Variants in ERICH2 observed in about 807,000 individuals in gnomAD.
ERICH2 encodes glutamate rich 2.
ERICH2 carries 17 observed loss-of-function variants against 17.4 expected under a neutral mutation model. The ratio of observed to expected loss-of-function variants is 0.98; its 90% CI spans 0.67 to 1.47. ERICH2 has a LOEUF of 1.47. Ranked by LOEUF, ERICH2 falls within the 40% of genes most tolerant of loss-of-function variation. The pLI is 0.00. For missense variants in ERICH2, 186 were observed against 183.2 expected (o/e 1.01, Z -0.09); for synonymous variants, 51 against 61.1 (o/e 0.83, Z 0.77).
intron 2 of ERICH2, among the ~76,000 whole-genome samples, chr2:170,787,270 A>G (rs1272804911): frequency 6.6e-6 from 1 of 152,204 alleles, no homozygotes; most frequent in Non-Finnish European, 1.5e-5. Flanking sequence ...GTTTTGGGGT[A>G]CAAACTTTTT....
chr2:170,797,109 G>C (rs1701445006), intron 3 of ERICH2, among the ~76,000 whole-genome samples: 1 of 152,198 alleles, frequency 6.6e-6, no homozygotes, highest in African/African-American at 2.4e-5. Context: ...TGAAGGTGGA[G>C]AATGTTGTTA....
At chr2:170,797,795 GAAAAA>G (rs767126097) in intron 3 of ERICH2, among the ~76,000 whole-genome samples, 1 of 141,844 alleles carries the variant, frequency 7.1e-6, no homozygotes, top group African/African-American at 2.6e-5. Context: ...CTGTCTCAGG[GAAAAA>G]AAAAAAAAAA....
chr2:170,771,511 C>G, the ERICH2 span: 1 of 152,278 alleles, frequency 6.6e-6, no homozygotes, highest in African/African-American at 2.4e-5. The surrounding 1 kb of genome is among the most constrained non-coding windows in gnomAD (Gnocchi z 4.8). Flanking sequence ...CATTCTTTGA[C>G]CGGCCGGTGC....
rs1357778806 is a variant in ERICH2 at position 170,784,760 on chromosome 2, C to A, written c.143C>A (p.Thr48Asn). ...GCAGAGGATGATGGTGAAGATGATA[C>A]CAATGATGAAGATGATGATGAAGAT... is the stretch of plus-strand genomic sequence containing the variant. The change falls in exon 2 of 5, where the codon ACC (threonine) becomes AAC (asparagine). Residue 48 changes from threonine to asparagine, a missense_variant. Physicochemically the swap from Thr to Asn is moderately conservative, Grantham distance 65. Transcript: ENST00000409885. 4 of 1,543,806 alleles carry A rather than the reference C, an allele frequency of 2.6e-6. No homozygotes were observed. In the South Asian group the frequency reaches 4.8e-5, roughly 19 times the overall value.
upstream of ERICH2, among the ~76,000 whole-genome samples, chr2:170,779,402 T>G (rs1184487208): frequency 6.6e-6 from 1 of 152,196 alleles, no homozygotes; most frequent in Non-Finnish European, 1.5e-5. Flanking sequence ...ACAAGAAGTA[T>G]GTGGACTCTA....
chr2:170,789,127 ATT>A (rs200769691), intron 2 of ERICH2, among the ~76,000 whole-genome samples: 72 of 140,606 alleles, frequency 5.1e-4, no homozygotes, highest in South Asian at 6.8e-4. Flanking sequence ...TGCCTGGCTA[ATT>A]TTTTTTTTTT....
chr2:170,795,346 G>T (rs147748089), intron 3 of ERICH2, among the ~76,000 whole-genome samples: 1 of 149,802 alleles, frequency 6.7e-6, no homozygotes, highest in African/African-American at 2.5e-5. Context: ...AAACACTGAA[G>T]TATTATTATT....
chr2:170,783,711 A>T, upstream of ERICH2: 1 of 1,365,250 alleles, frequency 7.3e-7, no homozygotes, highest in Non-Finnish European at 1.0e-6. Context: ...TGTGAAGTAA[A>T]TGAGACAGTT....
chr2:170,786,736 T>A (rs1193987400), intron 2 of ERICH2, among the ~76,000 whole-genome samples: 1 of 152,184 alleles, frequency 6.6e-6, no homozygotes, highest in Non-Finnish European at 1.5e-5. Context: ...CTCTTCAGGT[T>A]TATAATCTTT....
rs1701109188 is a variant in ERICH2 at position 170,784,633 on chromosome 2, T to C, written c.29-13T>C. ...CGATCTCTTTTGATTAAATTAGGTATATTCTCTTTTAGGTGAAGTGAGCAA... is the reference window on the plus strand; with the variant it reads ...CGATCTCTTTTGATTAAATTAGGTACATTCTCTTTTAGGTGAAGTGAGCAA... On this transcript the variant is annotated splice_polypyrimidine_tract_variant and intron_variant, in intron 1 of 4. Transcript: ENST00000409885. The C allele has an allele frequency of 2.1e-6, 3 of 1,452,850 alleles. No homozygotes were observed. The highest frequency in any genetic ancestry group is 2.9e-5 in the African/African-American group (2 of 70,126). 90.0% of individuals were successfully genotyped at this position (1,452,850 alleles called of 1,614,324 possible).
chr2:170,785,403 A>G (rs2105696934), intron 2 of ERICH2, among the ~76,000 whole-genome samples: 1 of 152,264 alleles, frequency 6.6e-6, no homozygotes, highest in South Asian at 2.1e-4. Flanking sequence ...GGTAAAGCTG[A>G]GGCAGGAGTA....
upstream of ERICH2, among the ~76,000 whole-genome samples, chr2:170,781,767 T>C (rs937621335): frequency 6.6e-6 from 1 of 152,110 alleles, no homozygotes; most frequent in African/African-American, 2.4e-5. Context: ...GTTTAAAGAT[T>C]AAAAGGGAGA....
chr2:170,779,846 C>T (rs926560377), upstream of ERICH2: 10 of 984,878 alleles, frequency 1.0e-5, no homozygotes, highest in Admixed American at 1.2e-4. Flanking sequence ...AATACCTCAC[C>T]AACACAGGTC....
chr2:170,778,626 A>G, the ERICH2 span, among the ~76,000 whole-genome samples: 16 of 152,152 alleles, frequency 1.1e-4, no homozygotes, highest in Admixed American at 2.6e-4. Context: ...TAAAGTTACA[A>G]TCAACCAGAA....
chr2:170,786,609 T>G (rs1417268672), intron 2 of ERICH2, among the ~76,000 whole-genome samples: 1 of 152,190 alleles, frequency 6.6e-6, no homozygotes, highest in Non-Finnish European at 1.5e-5. Context: ...CCTCTTTTCA[T>G]CTAAGGTGCA....
At chr2:170,776,159 T>C in the ERICH2 span, among the ~76,000 whole-genome samples, 1 of 152,228 alleles carries the variant, frequency 6.6e-6, no homozygotes, top group Non-Finnish European at 1.5e-5. Context: ...ATCAGTCCTA[T>C]GATCAGGTAA....
At chr2:170,793,046 TTGA>T in intron 3 of ERICH2, 126 bp downstream of exon 8, 2 of 505,848 alleles carry the variant, frequency 4.0e-6, no homozygotes, top group Non-Finnish European at 7.0e-6. Flanking sequence ...CAGTGATTCC[TTGA>T]TAATAAATTA....
chr2:170,771,097 A>C, the ERICH2 span: 1 of 147,818 alleles, frequency 6.8e-6, no homozygotes, highest in Non-Finnish European at 1.5e-5. The surrounding 1 kb of genome is among the most constrained non-coding windows in gnomAD (Gnocchi z 4.8). Flanking sequence ...TGCGTTCCCG[A>C]CTCGGAGCCC....
chr2:170,792,967 A>G (rs1233889514), intron 3 of ERICH2, 47 bp downstream of exon 8: 1 of 1,160,188 alleles, frequency 8.6e-7, no homozygotes, highest in Non-Finnish European at 1.2e-6. Flanking sequence ...CTTTGTTTTC[A>G]AAAATGAATT....
Sources: allele counts gnomAD v4.1 joint callset (sites outside exome capture counted in the v4.1 genomes callset), GRCh38; gene constraint gnomAD v4.1.1; non-coding constraint Gnocchi (gnomAD v3.1); transcripts MANE v1.5; gene names NCBI Gene and HGNC (gene_info 2026-07-23, HGNC 2026-07-21).